The following FREM2 variants were observed in gnomAD, a reference collection of about 807,000 sequenced individuals.
The protein encoded by FREM2 is FRAS1 related extracellular matrix 2, also known as FRAS1-related extracellular matrix protein 2.
A neutral mutation model predicts 219.9 loss-of-function variants in FREM2; 119 were observed. That is an observed-to-expected ratio of 0.54 (90% CI 0.47 to 0.63). The LOEUF is 0.63. Ranked by LOEUF, FREM2 falls within the 30% of genes least tolerant of loss-of-function variation. FREM2 has a pLI of 0.00. For missense variants in FREM2, 4,030 were observed against 3,993.6 expected (o/e 1.01, Z -0.25); for synonymous variants, 1,562 against 1,522.8 (o/e 1.03, Z -0.60).
rs148770371 is a variant in FREM2 at position 38,690,513 on chromosome 13, G to A, written c.3169G>A (p.Val1057Met). ...GNTIQGVTIW[V>M]TILPVDSQAP... Reference sequence around the variant, plus strand: ...TACTATCCAAGGAGTTACTATATGGGTGACCATCCTGCCTGTTGATAGCCA... The same window carrying A: ...TACTATCCAAGGAGTTACTATATGGATGACCATCCTGCCTGTTGATAGCCA... Residue 1057 changes from valine (V) to methionine (M), a missense_variant, in exon 1 of 24, where the codon GTG becomes ATG. This residue lies in a region of FREM2 where 3,102 missense variants were observed against 2,950.7 expected (regional missense o/e 1.05). Coordinates refer to ENST00000280481, the MANE Select transcript of FREM2 (RefSeq NM_207361.6). 2.4e-5 allele frequency: 39 copies of A among 1,614,082 alleles called. No homozygotes were observed. The highest frequency in any genetic ancestry group is 3.3e-5 in the Non-Finnish European group (39 of 1,180,030).
intron 16 of FREM2, among the ~76,000 whole-genome samples, chr13:38,870,197 C>T (rs1878111139): frequency 6.6e-6 from 1 of 152,048 alleles, no homozygotes; most frequent in Non-Finnish European, 1.5e-5. Flanking sequence ...ATTTTTCCAT[C>T]CCATTGTTTT....
chr13:38,851,042 T>G lies in FREM2; in HGVS notation c.6676T>G (p.Ser2226Ala). 11 of 1,614,014 alleles carry G rather than the reference T, an allele frequency of 6.8e-6. No homozygotes were observed. Among genetic ancestry groups the G allele is most frequent in the Non-Finnish European group, 9.3e-6 (11 of 1,180,002 alleles). Residue 2226 changes from serine (S) to alanine (A), a missense_variant, in exon 10 of 24, where the codon TCT becomes GCT. Ser to Ala is a moderately conservative substitution (Grantham distance 99). Coordinates refer to ENST00000280481, the MANE Select transcript of FREM2 (RefSeq NM_207361.6). ...GGTACTCGGCACTCCACAAAGCAAC[T>G]CTCCCTTTGGGGCTGCAGTTGGTGA... is the stretch of plus-strand genomic sequence containing the variant. ...RLVLGTPQSN[S>A]PFGAAVGEQN... is the part of the protein sequence containing the mutation.
intron 2 of FREM2, among the ~76,000 whole-genome samples, chr13:38,737,057 GAAGCCACTTC>G (rs1872027688): frequency 6.6e-6 from 1 of 152,108 alleles, no homozygotes; most frequent in African/African-American, 2.4e-5. Context: ...TGACTAATAT[GAAGCCACTTC>G]GTGCTCCCCT....
chr13:38,816,542 C>T lies in FREM2; in HGVS notation c.6020-30031C>T, dbSNP rs150898433. Among the ~76,000 whole-genome samples the T allele has an allele frequency of 3.5e-4, 53 of 152,188 alleles. No homozygotes were observed. In the East Asian group the frequency reaches 8.9e-3, roughly 26 times the overall value. ...TAAAAATTTACTATCATGATTAAAA[C>T]GCTCAAGAAATTAGATTCACATGGT... On this transcript the variant is annotated intron_variant, in intron 6 of 23. Transcript: ENST00000280481.
At chr13:38,728,717 C>T (rs1187757701) in intron 2 of FREM2, among the ~76,000 whole-genome samples, 1 of 152,014 alleles carries the variant, frequency 6.6e-6, no homozygotes, top group Non-Finnish European at 1.5e-5. Context: ...CTGGCTAACA[C>T]TGTTATTTTT....
intron 7 of FREM2, 21 bp downstream of exon 7, chr13:38,846,743 C>G (rs764855317): frequency 1.9e-6 from 3 of 1,613,106 alleles, no homozygotes; most frequent in African/African-American, 2.7e-5. Context: ...TCCCACTCGG[C>G]TCTTTTGATT....
chr13:38,730,145 T>C (rs569913396), intron 2 of FREM2, among the ~76,000 whole-genome samples: 1 of 152,336 alleles, frequency 6.6e-6, no homozygotes, highest in African/African-American at 2.4e-5. Context: ...CACACACATC[T>C]CACGGTAGCA....
intron 2 of FREM2, among the ~76,000 whole-genome samples, chr13:38,737,391 A>G (rs527293210): frequency 6.6e-6 from 1 of 152,350 alleles, no homozygotes; most frequent in South Asian, 2.1e-4. Context: ...AGGAAAGAAC[A>G]AAACAATGTT....
Position 38,743,754 on chromosome 13 carries a change from T to G in FREM2, c.5264-20550T>G, listed in dbSNP as rs548182714. 2.0e-5 allele frequency among the ~76,000 whole-genome samples: 3 copies of G among 152,294 alleles called. No individual in the cohort carries two copies. The South Asian group carries it at 6.2e-4, about 32-fold the overall frequency. ...CTCCACTAGCTTAATCCTTACTGAA[T>G]AGAACAATAAAGCTCTCTTTCTTTG... is the stretch of plus-strand genomic sequence containing the variant. On this transcript the variant is annotated intron_variant, in intron 2 of 23. Coordinates refer to ENST00000280481, the MANE Select transcript of FREM2 (RefSeq NM_207361.6).
intron 6 of FREM2, among the ~76,000 whole-genome samples, chr13:38,811,942 C>T (rs1041215813): frequency 1.2e-4 from 19 of 152,134 alleles, no homozygotes; most frequent in African/African-American, 4.3e-4. Context: ...CTCTTTAGCT[C>T]TAACAATGCT....
chr13:38,878,352 A>G, intron 22 of FREM2, 31 bp downstream of exon 22: 1 of 1,558,168 alleles, frequency 6.4e-7, no homozygotes, highest in Admixed American at 1.7e-5. Context: ...AATGAGCTAG[A>G]TAGATTTTTC....
At chr13:38,775,070 A>G (rs1873816241) in intron 4 of FREM2, among the ~76,000 whole-genome samples, 1 of 152,234 alleles carries the variant, frequency 6.6e-6, no homozygotes, top group Non-Finnish European at 1.5e-5. Flanking sequence ...AGAACTTAAC[A>G]TTAAAGGTTA....
intron 2 of FREM2, among the ~76,000 whole-genome samples, chr13:38,715,367 C>T (rs947976705): frequency 2.0e-5 from 3 of 152,124 alleles, no homozygotes; most frequent in Non-Finnish European, 2.9e-5. Context: ...ATTGCTTTGC[C>T]ATTCCCAAAT....
intron 6 of FREM2, among the ~76,000 whole-genome samples, chr13:38,805,325 G>C (rs778029017): frequency 2.2e-4 from 33 of 151,884 alleles, no homozygotes; most frequent in Non-Finnish European, 3.7e-4. Context: ...GAGGGAGGAA[G>C]GAGGAGAGGG....
At position 38,783,091 on chromosome 13, in the gene FREM2, A is replaced by C. The variant is rs751037337; in HGVS notation, c.5663A>C (p.Gln1888Pro). Residue 1888 changes from glutamine (Q) to proline (P), a missense_variant, in exon 5 of 24, where the codon CAG (glutamine) becomes CCG (proline). Transcript: ENST00000280481. ...PGDEPTVFIPQSKYSVEEDVG... is the reference protein window; with the variant it reads ...PGDEPTVFIPPSKYSVEEDVG... The stretch of plus-strand genomic sequence containing the variant: ...CTAGAGCCAACTGTGTTTATTCCCC[A>C]GTCCAAATACTCCGTTGAAGAAGAT... The C allele has an allele frequency of 9.3e-6, 15 of 1,613,856 alleles. No homozygotes were observed. The highest frequency in any genetic ancestry group is 1.2e-5 in the Non-Finnish European group (14 of 1,179,946).
At chr13:38,772,007 C>T (rs1014881934) in intron 4 of FREM2, among the ~76,000 whole-genome samples, 7 of 151,830 alleles carry the variant, frequency 4.6e-5, no homozygotes, top group African/African-American at 1.7e-4. Flanking sequence ...TTTTCCCTTA[C>T]AAAGGATCAC....
At chr13:38,764,085 A>G (rs997575546) in intron 2 of FREM2, among the ~76,000 whole-genome samples, 16 of 152,108 alleles carry the variant, frequency 1.1e-4, no homozygotes, top group African/African-American at 3.9e-4. Flanking sequence ...CCCTCCTAAA[A>G]CAGCAAGGAA....
At chr13:38,758,933 T>C (rs531081294) in intron 2 of FREM2, among the ~76,000 whole-genome samples, 1 of 152,264 alleles carries the variant, frequency 6.6e-6, no homozygotes, top group South Asian at 2.1e-4. Flanking sequence ...CTCAGGGGCC[T>C]GAGGTGGGAG....
chr13:38,690,042 G>C lies in FREM2; in HGVS notation c.2698G>C (p.Val900Leu). The change falls in exon 1 of 24, where the codon GTT (valine) becomes CTT (leucine). Residue 900 changes from valine (V) to leucine (L), a missense_variant. This residue lies in a region of FREM2 where 3,102 missense variants were observed against 2,950.7 expected (regional missense o/e 1.05). Transcript: ENST00000280481. ...FHLEDIKQGR[V>L]SYAHNGDKSL... ...CTTGGAGGACATAAAACAGGGCCGA[G>C]TTTCCTATGCCCATAATGGGGACAA... is the stretch of plus-strand genomic sequence containing the variant. 6.2e-7 allele frequency: 1 copy of C among 1,613,930 alleles called. No homozygotes were observed. Among genetic ancestry groups the C allele is most frequent in the Non-Finnish European group, 8.5e-7 (1 of 1,180,036 alleles).
Sources: allele counts gnomAD v4.1 joint callset (sites outside exome capture counted in the v4.1 genomes callset), GRCh38; gene constraint gnomAD v4.1.1; regional missense constraint gnomAD v4.1.1; transcripts MANE v1.5; gene names NCBI Gene and HGNC (gene_info 2026-07-23, HGNC 2026-07-21).